Variants in SNRPC observed in about 807,000 individuals in gnomAD.
The protein encoded by SNRPC is U1 small nuclear ribonucleoprotein C.
Under a neutral mutation model 20.0 loss-of-function variants are expected in SNRPC, and 5 were observed. That is an observed-to-expected ratio of 0.25 (90% confidence interval 0.13 to 0.53). SNRPC has a LOEUF of 0.53. Ranked by LOEUF, SNRPC falls within the 20% of genes least tolerant of loss-of-function variation. SNRPC has a pLI of 0.96. For missense variants in SNRPC, 112 were observed against 224.1 expected, an observed-to-expected ratio of 0.50 and a Z score of 3.19; for synonymous variants, 61 against 58.7, an observed-to-expected ratio of 1.04 and a Z score of -0.18.
At chr6:34,769,006 T>C (rs1764652126) in intron 4 of SNRPC, among the ~76,000 whole-genome samples, 1 of 152,034 alleles carries the variant, frequency 6.6e-6, no homozygotes, top group Non-Finnish European at 1.5e-5. Flanking sequence ...AGACTGTTTG[T>C]AATAGTTGCA....
intron 3 of SNRPC, among the ~76,000 whole-genome samples, chr6:34,762,990 G>T (rs2127406256): frequency 6.6e-6 from 1 of 152,310 alleles, no homozygotes; most frequent in Non-Finnish European, 1.5e-5. Context: ...ACGAGATTTT[G>T]TAGCAAATTT....
At chr6:34,759,019 CAAAAAA>C (rs755576537) in intron 2 of SNRPC, among the ~76,000 whole-genome samples, 3 of 24,642 alleles carry the variant, frequency 1.2e-4, no homozygotes, top group Non-Finnish European at 2.8e-4. Context: ...GACTCCGTCT[CAAAAAA>C]AAAAAAAAAA....
Position 34,771,417 on chromosome 6 carries a change from C to A in SNRPC, c.355+1022C>A, listed in dbSNP as rs79191033. ...CAGCAAGCCATAACTATAGCACATCCTCCACCAACTTTAGTTTCATTTCTT... is the reference window on the plus strand; with the variant it reads ...CAGCAAGCCATAACTATAGCACATCATCCACCAACTTTAGTTTCATTTCTT... On this transcript the variant is annotated intron_variant, in intron 5 of 5. Transcript: ENST00000244520. 7.7e-3 allele frequency among the ~76,000 whole-genome samples: 1,177 copies of A among 151,958 alleles called. 16 individuals are homozygous for A. The highest frequency in any genetic ancestry group is 0.024 in the African/African-American group (1,014 of 41,468).
chr6:34,770,784 T>G (rs1303663512), intron 5 of SNRPC, among the ~76,000 whole-genome samples: 2 of 152,194 alleles, frequency 1.3e-5, no homozygotes, highest in African/African-American at 4.8e-5. Context: ...TGTTCCATTT[T>G]GTGGGAAGGG....
rs1764720644 is a variant in SNRPC, at chr6:34,773,809, T to C, written c.*239T>C. The C allele has an allele frequency of 2.7e-6, 1 of 363,744 alleles. No individual in the cohort carries two copies. The highest frequency in any genetic ancestry group is 5.0e-6 in the Non-Finnish European group (1 of 198,904). The allele number at this position is 363,744 out of a possible 1,614,324, so 22.5% of individuals were successfully genotyped here. ...TTCAGTTAAAAGTGTGTTCCCTTTT[T>C]CCTCCTCTCTGTGTTCTCTGTGTAT... On this transcript the variant is annotated 3_prime_UTR_variant, in exon 6 of 6. Coordinates refer to ENST00000244520, the MANE Select transcript of SNRPC (RefSeq NM_003093.3). The surrounding 1 kb of genome is among the most constrained non-coding windows in gnomAD (Gnocchi z 4.1).
At chr6:34,767,037 A>T (rs972172744) in intron 3 of SNRPC, among the ~76,000 whole-genome samples, 13 of 152,186 alleles carry the variant, frequency 8.5e-5, no homozygotes, top group South Asian at 2.1e-4. Flanking sequence ...AAAAATTTTT[A>T]AATTGATTGC....
intron 3 of SNRPC, 65 bp downstream of exon 3, chr6:34,762,768 G>C: frequency 2.4e-6 from 2 of 845,194 alleles, no homozygotes; most frequent in Non-Finnish European, 4.0e-6. Flanking sequence ...CCTGTCTCTG[G>C]TGTTTTTCAC....
chr6:34,767,022 G>GA lies in SNRPC; in HGVS notation c.161-877dup, dbSNP rs3839363. ...TCTTGTTTTCTCTTGTGCTTCATCT[G>GA]AAAAAAAAATTTTTAAATTGATTGC... is the stretch of plus-strand genomic sequence containing the variant. On this transcript the variant is annotated intron_variant, in intron 3 of 5. Coordinates refer to ENST00000244520, the MANE Select transcript of SNRPC (RefSeq NM_003093.3). 9.1e-3 allele frequency among the ~76,000 whole-genome samples: 1,384 copies of GA among 151,302 alleles called. 12 individuals carry two copies. Among genetic ancestry groups the GA allele is most frequent in the Middle Eastern group, 0.034 (10 of 292 alleles).
chr6:34,768,330 G>A (rs576460001), intron 4 of SNRPC, among the ~76,000 whole-genome samples: 1 of 152,242 alleles, frequency 6.6e-6, no homozygotes, highest in East Asian at 1.9e-4. Flanking sequence ...ACATGAATAG[G>A]AGTTGCTAGG....
At chr6:34,760,173 C>T (rs1206363945) in intron 2 of SNRPC, among the ~76,000 whole-genome samples, 5 of 140,396 alleles carry the variant, frequency 3.6e-5, no homozygotes, top group African/African-American at 5.4e-5. Flanking sequence ...AGTGCAATGG[C>T]GCGATCTTGT....
At chr6:34,762,316 A>G (rs1318348752) in intron 2 of SNRPC, among the ~76,000 whole-genome samples, 1 of 151,474 alleles carries the variant, frequency 6.6e-6, no homozygotes, top group Non-Finnish European at 1.5e-5. Context: ...AAAAAAAAAA[A>G]GATAGATAGA....
At chr6:34,764,962 A>C (rs931089745) in intron 3 of SNRPC, among the ~76,000 whole-genome samples, 5 of 152,044 alleles carry the variant, frequency 3.3e-5, no homozygotes, top group South Asian at 2.1e-4. Context: ...TGGAGGTTGC[A>C]GTGAACAGAG....
chr6:34,767,799 A>G (rs987856781), intron 3 of SNRPC, 109 bp from the exon 4 acceptor site: 3 of 1,111,266 alleles, frequency 2.7e-6, no homozygotes, highest in Non-Finnish European at 3.7e-6. Context: ...AACTAGCAAG[A>G]GTAAAGTAAT....
chr6:34,767,792 T>A lies in SNRPC; in HGVS notation c.161-116T>A, dbSNP rs1031942851. ...TGATGTAATAATTTTAGATGACAAC[T>A]AGCAAGAGTAAAGTAATTGGAACCG... On this transcript the variant is annotated intron_variant, in intron 3 of 5. Transcript: ENST00000244520. The A allele has an allele frequency of 5.7e-6, 6 of 1,051,870 alleles. No individual in the cohort carries two copies. In the African/African-American group the frequency reaches 9.9e-5, roughly 17 times the overall value. 65.2% of individuals were successfully genotyped at this position (1,051,870 alleles called of 1,614,324 possible).
intron 4 of SNRPC, among the ~76,000 whole-genome samples, chr6:34,769,809 C>T (rs1394947254): frequency 6.6e-6 from 1 of 151,946 alleles, no homozygotes; most frequent in Non-Finnish European, 1.5e-5. Context: ...GCTTTTTATT[C>T]ATAGATTAAT....
chr6:34,757,986 A>T, intron 2 of SNRPC, 32 bp downstream of exon 2: 1 of 1,588,076 alleles, frequency 6.3e-7, no homozygotes. Flanking sequence ...AGTTTCAAAA[A>T]GCCTTATGTG....
chr6:34,763,942 C>T (rs1764578827), intron 3 of SNRPC, among the ~76,000 whole-genome samples: 1 of 149,300 alleles, frequency 6.7e-6, no homozygotes, highest in Admixed American at 6.6e-5. Flanking sequence ...GTCTTGAACT[C>T]CTGACCTCGT....
At position 34,764,482 on chromosome 6, in the gene SNRPC, C is replaced by CAA. The variant is rs201436849; in HGVS notation, c.160+1781_160+1782dup. On this transcript the variant is annotated intron_variant, in intron 3 of 5. Coordinates refer to ENST00000244520, the MANE Select transcript of SNRPC (RefSeq NM_003093.3). ...CAAGAGGGAAACTCCGTCTCAAAAA[C>CAA]AAACAAAAAAAAACAACAAAAAACA... Among the ~76,000 whole-genome samples the CAA allele has an allele frequency of 1.5e-3, 227 of 147,970 alleles. 2 individuals are homozygous for CAA. Among genetic ancestry groups the CAA allele is most frequent in the East Asian group, 4.6e-3 (23 of 5,028 alleles).
intron 2 of SNRPC, 92 bp from the exon 3 acceptor site, chr6:34,762,503 T>G (rs1235497285): frequency 3.0e-6 from 2 of 665,044 alleles, no homozygotes; most frequent in Non-Finnish European, 5.4e-6. Context: ...CTGCTGATAC[T>G]AGACACGCTA....
Sources: allele counts gnomAD v4.1 joint callset (sites outside exome capture counted in the v4.1 genomes callset), GRCh38; gene constraint gnomAD v4.1.1; non-coding constraint Gnocchi (gnomAD v3.1); transcripts MANE v1.5; gene names NCBI Gene and HGNC (gene_info 2026-07-23, HGNC 2026-07-21).